The following ZFAND4 variants were observed in gnomAD, a reference collection of about 807,000 sequenced individuals.
ZFAND4 encodes zinc finger AN1-type containing 4.
A neutral mutation model predicts 64.4 loss-of-function variants in ZFAND4; 43 were observed. The observed-to-expected ratio is 0.67, with a 90% CI of 0.52 to 0.86. The LOEUF (loss-of-function observed/expected upper bound fraction) is 0.86. ZFAND4 is among the 40% of genes least tolerant of loss of function. The probability of loss-of-function intolerance (pLI) is 0.00; values close to 1 mark genes in which losing one functional copy is unlikely to be tolerated. For synonymous variants in ZFAND4, 296 were observed against 305.7 expected (o/e 0.97, Z 0.33); for missense variants, 929 against 859.8 (o/e 1.08, Z -1.01).
In ZFAND4 at chr10:45,626,590, T is replaced by A. The variant is rs2045845406; in HGVS notation, c.1233A>T (p.Glu411Asp). The change falls in exon 7 of 10, where the codon GAA (glutamate) becomes GAT (aspartate). Residue 411 changes from glutamate to aspartate, a missense_variant. Transcript: ENST00000344646. ...ACGCACCTTCTAAGCCGCTGCTCTG[T>A]TCATCAGCATTTCCTTCTGCAAATG... ...LASFAEGNAD[E>D]QSSGLEGACK... The A allele has an allele frequency of 6.2e-7, 1 of 1,614,090 alleles. No individual in the cohort carries two copies. Among genetic ancestry groups the A allele is most frequent in the South Asian group, 1.1e-5 (1 of 91,088 alleles).
rs1287769297 is a variant in ZFAND4 at position 45,648,164 on chromosome 10, C to T, written c.569+130G>A. The T allele has an allele frequency of 7.7e-6, 7 of 909,086 alleles. No homozygotes were observed. The East Asian group carries it at 1.5e-4, about 20-fold the overall frequency. The allele number at this position is 909,086 out of a possible 1,614,324, so 56.3% of individuals were successfully genotyped here. A position where few individuals can be genotyped will look rare whatever the true frequency, so the allele number is the denominator to read the frequency against. ...CACTCTAAAAAAACCTCAGTTTTAT[C>T]ATATCAATTATACGAAGGACAATTT... is the stretch of plus-strand genomic sequence containing the variant. On this transcript the variant is annotated intron_variant, in intron 5 of 9. Coordinates refer to ENST00000344646, the MANE Select transcript of ZFAND4 (RefSeq NM_174890.4).
At chr10:45,656,123 T>C (rs924118991) in intron 2 of ZFAND4, among the ~76,000 whole-genome samples, 24 of 151,906 alleles carry the variant, frequency 1.6e-4, no homozygotes, top group African/African-American at 5.8e-4. Context: ...CCCAGCTACT[T>C]GGGAGGCTGA....
chr10:45,637,784 A>G (rs2046714130), intron 6 of ZFAND4, among the ~76,000 whole-genome samples: 1 of 151,128 alleles, frequency 6.6e-6, no homozygotes, highest in Non-Finnish European at 1.5e-5. Context: ...ACAAAACAAA[A>G]CTGATAAATT....
At chr10:45,642,404 G>A (rs2047067561) in intron 5 of ZFAND4, among the ~76,000 whole-genome samples, 1 of 151,840 alleles carries the variant, frequency 6.6e-6, no homozygotes, top group Admixed American at 6.6e-5. Context: ...TCAGGAGATC[G>A]AGACCATCCT....
In ZFAND4 at chr10:45,650,911, C is replaced by T. The variant is rs111751357; in HGVS notation, c.328+1055G>A. The T allele has an allele frequency of 9.2e-5, 14 of 152,288 alleles. 2 individuals carry two copies. The highest frequency in any genetic ancestry group is 2.9e-4 in the African/African-American group (12 of 41,564). The allele number at this position is 152,288 out of a possible 1,614,324, so 9.4% of individuals were successfully genotyped here. A position where few individuals can be genotyped will look rare whatever the true frequency, so the allele number is the denominator to read the frequency against. ...TGCTAAAAGGCCCTAACATTATTAA[C>T]TTTGTTTTTCTCTAACCTATAAAAA... is the stretch of plus-strand genomic sequence containing the variant. On this transcript the variant is annotated intron_variant, in intron 4 of 9. Transcript: ENST00000344646.
At chr10:45,666,031 C>G (rs1413464067) in intron 1 of ZFAND4, among the ~76,000 whole-genome samples, 4 of 152,140 alleles carry the variant, frequency 2.6e-5, no homozygotes, top group Non-Finnish European at 5.9e-5. Context: ...GATGAACATT[C>G]AACTGCAAGT....
At chr10:45,645,207 A>C (rs74759038) in intron 5 of ZFAND4, among the ~76,000 whole-genome samples, 4,443 of 152,246 alleles carry the variant, frequency 0.029, 80 homozygotes, top group East Asian at 0.053. Context: ...TCCCGGACTC[A>C]AGAGATTCGC....
intron 5 of ZFAND4, 112 bp from the exon 6 acceptor site, chr10:45,640,075 C>A: frequency 7.4e-7 from 1 of 1,342,586 alleles, no homozygotes; most frequent in South Asian, 1.6e-5. Context: ...AACACTACAT[C>A]CATTTTGTCA....
intron 5 of ZFAND4, 95 bp downstream of exon 5, chr10:45,648,199 A>G: frequency 3.2e-6 from 4 of 1,246,058 alleles, no homozygotes; most frequent in Non-Finnish European, 4.3e-6. Context: ...TCAGACTTAT[A>G]TATTGGGGGC....
intron 6 of ZFAND4, among the ~76,000 whole-genome samples, chr10:45,637,437 A>G (rs1016694858): frequency 3.3e-4 from 50 of 152,066 alleles, no homozygotes; most frequent in African/African-American, 1.2e-3. Flanking sequence ...ATATTTCATC[A>G]AAAGGTTATC....
intron 8 of ZFAND4, among the ~76,000 whole-genome samples, chr10:45,621,601 G>T (rs2045429073): frequency 6.6e-6 from 1 of 151,922 alleles, no homozygotes; most frequent in Non-Finnish European, 1.5e-5. Flanking sequence ...AATTAGCCGG[G>T]TGTGGTGGCG....
chr10:45,658,533 TAAAA>T (rs1001399106), intron 2 of ZFAND4, among the ~76,000 whole-genome samples: 8 of 152,196 alleles, frequency 5.3e-5, no homozygotes, highest in African/African-American at 1.4e-4. Flanking sequence ...TATATCTTCC[TAAAA>T]AATAGTTTGT....
chr10:45,632,005 C>T (rs1243704509), intron 6 of ZFAND4, among the ~76,000 whole-genome samples: 2 of 152,160 alleles, frequency 1.3e-5, no homozygotes, highest in African/African-American at 2.4e-5. Flanking sequence ...TTCAGATGAG[C>T]TTCTTCTAAC....
intron 4 of ZFAND4, chr10:45,650,380 C>CCACT (rs2047681092): frequency 6.6e-6 from 1 of 152,102 alleles, no homozygotes; most frequent in South Asian, 2.1e-4. Context: ...GACCTCAATA[C>CCACT]CACTGCCTGT....
chr10:45,652,009 C>T lies in ZFAND4; in HGVS notation c.285G>A (p.Lys95=). 1 of 1,613,824 alleles carries T rather than the reference C, an allele frequency of 6.2e-7. No individual in the cohort carries two copies. The highest frequency in any genetic ancestry group is 8.5e-7 in the Non-Finnish European group (1 of 1,179,776). ...DYNISEGCTL[K]LVLAMRGGPI... ...GTCCGCCACGCATAGCCAAAACTAG[C>T]TTCAAGGTACACCCTTCTGAAATGC... is the stretch of plus-strand genomic sequence containing the variant. Residue 95 remains lysine, a synonymous_variant, in exon 4 of 10, where the codon AAG becomes AAA. Coordinates refer to ENST00000344646, the MANE Select transcript of ZFAND4 (RefSeq NM_174890.4).
intron 9 of ZFAND4, among the ~76,000 whole-genome samples, chr10:45,617,367 C>T (rs1013473388): frequency 6.6e-6 from 1 of 152,006 alleles, no homozygotes; most frequent in African/African-American, 2.4e-5. Flanking sequence ...GCGGCTCACA[C>T]CTGAAATTCC....
intron 6 of ZFAND4, among the ~76,000 whole-genome samples, chr10:45,634,460 T>G (rs1423617996): frequency 1.4e-5 from 2 of 144,878 alleles, no homozygotes; most frequent in Non-Finnish European, 3.0e-5. Flanking sequence ...ACCCAGGAGG[T>G]GGAGGTTGCA....
At chr10:45,630,700 T>A (rs2046145594) in intron 6 of ZFAND4, among the ~76,000 whole-genome samples, 1 of 151,986 alleles carries the variant, frequency 6.6e-6, no homozygotes, top group African/African-American at 2.4e-5. Context: ...CACTCCAGCC[T>A]GGGCGACACA....
chr10:45,629,430 T>C (rs936547367), intron 6 of ZFAND4, among the ~76,000 whole-genome samples: 13 of 151,822 alleles, frequency 8.6e-5, no homozygotes, highest in Admixed American at 7.2e-4. Flanking sequence ...AAGGGGTAAA[T>C]TGAAAGGAAA....
Sources: allele counts gnomAD v4.1 joint callset (sites outside exome capture counted in the v4.1 genomes callset), GRCh38; gene constraint gnomAD v4.1.1; transcripts MANE v1.5; gene names NCBI Gene and HGNC (gene_info 2026-07-23, HGNC 2026-07-21).